PREX1: variants seen among roughly 807,000 people sequenced by gnomAD.
PREX1 encodes the protein phosphatidylinositol-3,4,5-trisphosphate dependent Rac exchange factor 1, also known as phosphatidylinositol 3,4,5-trisphosphate-dependent Rac exchanger 1 protein.
A neutral mutation model predicts 198.3 loss-of-function variants in PREX1; 41 were observed. The observed-to-expected ratio is 0.21, with a 90% CI of 0.16 to 0.27. PREX1 has a LOEUF of 0.27. Ranked by LOEUF, PREX1 falls within the 10% of genes least tolerant of loss-of-function variation. PREX1 has a pLI of 1.00. For missense variants in PREX1, 1,620 were observed against 2,200.7 expected, an observed-to-expected ratio of 0.74 and a Z score of 5.28; for synonymous variants, 843 against 887.2, an observed-to-expected ratio of 0.95 and a Z score of 0.89.
In PREX1 at chr20:48,747,926, C is replaced by A. The variant is rs1319220119; in HGVS notation, c.220-46G>T. On this transcript the variant is annotated intron_variant, in intron 1 of 39. Coordinates refer to ENST00000371941, the MANE Select transcript of PREX1 (RefSeq NM_020820.4). ...GAGGTGAGTGTCCGCGTCTCCAGCT[C>A]TCCCATGGACGGCCCTACAGAAGGC... 4 of 1,538,886 alleles carry A rather than the reference C, an allele frequency of 2.6e-6. No homozygotes were observed. The African/African-American group carries it at 5.4e-5, about 21-fold the overall frequency.
the PREX1 span, among the ~76,000 whole-genome samples, chr20:48,882,527 G>GAT: frequency 5.0e-5 from 4 of 80,210 alleles, no homozygotes; most frequent in Non-Finnish European, 7.8e-5. Flanking sequence ...AAAAAAAAAA[G>GAT]AGAGAATCTT....
At chr20:48,692,647 C>A in intron 8 of PREX1, 25 bp downstream of exon 8, 8 of 1,587,126 alleles carry the variant, frequency 5.0e-6, no homozygotes, top group Non-Finnish European at 6.9e-6. Context: ...AGGCAGGGCT[C>A]AGGCAAGGCT....
intron 13 of PREX1, among the ~76,000 whole-genome samples, chr20:48,678,180 G>T (rs751871998): frequency 2.6e-5 from 4 of 152,066 alleles, no homozygotes; most frequent in Non-Finnish European, 4.4e-5. Context: ...CGGGCCTGGT[G>T]GTAGGCACCT....
intron 15 of PREX1, among the ~76,000 whole-genome samples, chr20:48,663,170 G>A (rs1460404656): frequency 6.6e-6 from 1 of 152,246 alleles, no homozygotes; most frequent in East Asian, 1.9e-4. Context: ...TGAGCGCACA[G>A]GAGGGGAATG....
chr20:48,865,145 C>T, the PREX1 span, among the ~76,000 whole-genome samples: 3 of 152,138 alleles, frequency 2.0e-5, no homozygotes, highest in Admixed American at 1.3e-4. Context: ...GAAACAGGTA[C>T]TCCCATACAC....
intron 4 of PREX1, 82 bp from the exon 5 acceptor site, chr20:48,726,473 T>G: frequency 1.0e-6 from 1 of 971,084 alleles, no homozygotes; most frequent in Non-Finnish European, 1.6e-6. Context: ...AGAAACGCTC[T>G]CAGAGCACAG....
At chr20:48,694,378 G>C (rs755156927) in intron 7 of PREX1, among the ~76,000 whole-genome samples, 3 of 152,224 alleles carry the variant, frequency 2.0e-5, no homozygotes, top group Non-Finnish European at 4.4e-5. Flanking sequence ...AGCATGTGGA[G>C]AACGCCTACT....
intron 1 of PREX1, among the ~76,000 whole-genome samples, chr20:48,811,922 T>C (rs2090438338): frequency 6.6e-6 from 1 of 152,248 alleles, no homozygotes; most frequent in African/African-American, 2.4e-5. Context: ...TCAGAAAACC[T>C]GGGTTTCGGT....
At chr20:48,677,869 C>A (rs2089720209) in intron 13 of PREX1, among the ~76,000 whole-genome samples, 1 of 151,628 alleles carries the variant, frequency 6.6e-6, no homozygotes, top group Non-Finnish European at 1.5e-5. Flanking sequence ...GCCTGTAATC[C>A]CAGCTACTCG....
chr20:48,639,004 A>G lies in PREX1; in HGVS notation c.3904+762T>C, dbSNP rs2089387572. On this transcript the variant is annotated intron_variant, in intron 30 of 39. Transcript: ENST00000371941. ...TCAGAGGCTGCCATTCCCCGAGGGA[A>G]CAGCCCAGAGTCCTCTAATCTCCCA... is the stretch of plus-strand genomic sequence containing the variant. 2.0e-5 allele frequency among the ~76,000 whole-genome samples: 3 copies of G among 152,350 alleles called. No homozygotes were observed. In the South Asian group the frequency reaches 6.2e-4, roughly 32 times the overall value.
At position 48,624,846 on chromosome 20, in the gene PREX1, C is replaced by G. The variant is rs2089257816; in HGVS notation, c.*1039G>C. 6.6e-6 allele frequency: 1 copy of G among 152,296 alleles called. No individual in the cohort carries two copies. Among genetic ancestry groups the G allele is most frequent in the Non-Finnish European group, 1.5e-5 (1 of 68,088 alleles). 9.4% of individuals were successfully genotyped at this position (152,296 alleles called of 1,614,324 possible). On this transcript the variant is annotated 3_prime_UTR_variant, in exon 40 of 40. Transcript: ENST00000371941. Reference sequence around the variant, plus strand: ...GGCACCTCAGGTGGGGCTCCATCCCCTCCAGCTCCAACCCTGGCTGGCCAC... The same window carrying G: ...GGCACCTCAGGTGGGGCTCCATCCCGTCCAGCTCCAACCCTGGCTGGCCAC...
intron 35 of PREX1, among the ~76,000 whole-genome samples, 180 bp from the exon 36 acceptor site, chr20:48,630,974 G>C (rs3810535): frequency 0.12 from 18,692 of 151,968 alleles, 1,319 homozygotes; most frequent in South Asian, 0.17. Flanking sequence ...CAACAGCCGG[G>C]GGGGAAAGAG....
intron 15 of PREX1, among the ~76,000 whole-genome samples, chr20:48,662,226 T>G (rs1374482043): frequency 6.6e-6 from 1 of 152,208 alleles, no homozygotes; most frequent in Non-Finnish European, 1.5e-5. Context: ...AGGGGGCCGC[T>G]GGCTTCGACT....
At chr20:48,870,522 C>A in the PREX1 span, among the ~76,000 whole-genome samples, 1 of 152,192 alleles carries the variant, frequency 6.6e-6, no homozygotes, top group Non-Finnish European at 1.5e-5. Flanking sequence ...TCACGTGGAG[C>A]CTTTGTCCGT....
chr20:48,828,598 T>C (rs1243707684), upstream of PREX1, among the ~76,000 whole-genome samples: 1 of 150,830 alleles, frequency 6.6e-6, no homozygotes, highest in African/African-American at 2.4e-5. Context: ...CGCGGTGCCC[T>C]CGGTGCTACC....
At chr20:48,838,618 G>A in the PREX1 span, among the ~76,000 whole-genome samples, 1 of 152,178 alleles carries the variant, frequency 6.6e-6, no homozygotes, top group African/African-American at 2.4e-5. Flanking sequence ...TAGATGAATG[G>A]GGAGGAAAAG....
rs2089476280 is a variant in PREX1, at chr20:48,649,506, C to T, written c.3099G>A (p.Leu1033=). The T allele has an allele frequency of 6.2e-7, 1 of 1,613,918 alleles. No homozygotes were observed. The highest frequency in any genetic ancestry group is 8.5e-7 in the Non-Finnish European group (1 of 1,179,926). ...CTTGGGGATCACCCTCTGCAGCAGG[C>T]AAGCACTTCCAGGAGGGAGCAGCCA... ...TTMAAPSWKC[L]PAAEGDPQGQ... The change falls in exon 25 of 40, where the codon TTG becomes TTA. Residue 1033 remains leucine, a synonymous_variant. Coordinates refer to ENST00000371941, the MANE Select transcript of PREX1 (RefSeq NM_020820.4).
chr20:48,635,316 C>A (rs1568792629), intron 32 of PREX1, among the ~76,000 whole-genome samples: 1 of 152,196 alleles, frequency 6.6e-6, no homozygotes, highest in South Asian at 2.1e-4. Flanking sequence ...GGTCCACCAT[C>A]TCTTGTCAAG....
intron 5 of PREX1, among the ~76,000 whole-genome samples, chr20:48,713,368 C>T (rs541241400): frequency 6.0e-5 from 9 of 150,182 alleles, no homozygotes; most frequent in Non-Finnish European, 1.0e-4. Context: ...AGGAGAATCG[C>T]TTGAACCCGG....
Sources: allele counts gnomAD v4.1 joint callset (sites outside exome capture counted in the v4.1 genomes callset), GRCh38; gene constraint gnomAD v4.1.1; transcripts MANE v1.5; gene names NCBI Gene and HGNC (gene_info 2026-07-23, HGNC 2026-07-21).